JAK2: variants seen among roughly 807,000 people sequenced by gnomAD.
JAK2 encodes Janus kinase 2.
A neutral mutation model predicts 139.3 loss-of-function variants in JAK2; 86 were observed. The ratio of observed to expected loss-of-function variants is 0.62; its 90% CI spans 0.52 to 0.74. The LOEUF (loss-of-function observed/expected upper bound fraction) is 0.74. JAK2 is among the 30% of genes least tolerant of loss of function. The probability of loss-of-function intolerance (pLI) is 0.00; values close to 1 mark genes in which losing one functional copy is unlikely to be tolerated. For missense variants in JAK2, 1,421 were observed against 1,360.3 expected (o/e 1.04, Z -0.70); for synonymous variants, 490 against 437.7 (o/e 1.12, Z -1.49).
At chr9:5,044,834 C>T (rs1042390449) in intron 5 of JAK2, among the ~76,000 whole-genome samples, 11 of 152,176 alleles carry the variant, frequency 7.2e-5, no homozygotes, top group East Asian at 1.9e-4. Flanking sequence ...TGTAGACATA[C>T]GTGGCTAAAA....
At chr9:5,018,691 G>A (rs1021480233) in intron 2 of JAK2, among the ~76,000 whole-genome samples, 4 of 152,162 alleles carry the variant, frequency 2.6e-5, no homozygotes, top group Admixed American at 1.3e-4. Context: ...ATTTCTTGTA[G>A]GTCTGGTCTA....
intron 22 of JAK2, chr9:5,112,149 C>G (rs936636296): frequency 6.7e-6 from 2 of 298,928 alleles, no homozygotes; most frequent in Admixed American, 4.2e-5. Flanking sequence ...CGGCTAGCAA[C>G]GTGCACACGC....
intron 19 of JAK2, chr9:5,085,297 G>T: frequency 1.4e-6 from 1 of 722,562 alleles, no homozygotes; most frequent in Non-Finnish European, 2.6e-6. Context: ...GTTAGAACAT[G>T]AGGTGAAGTC....
intron 19 of JAK2, chr9:5,085,524 CA>C: frequency 1.4e-6 from 1 of 716,074 alleles, no homozygotes; most frequent in East Asian, 2.6e-5. Flanking sequence ...CACCACACAC[CA>C]AATCTTCAAT....
At chr9:5,119,297 C>T (rs1344687763) in intron 22 of JAK2, among the ~76,000 whole-genome samples, 2 of 151,950 alleles carry the variant, frequency 1.3e-5, no homozygotes, top group Non-Finnish European at 2.9e-5. Flanking sequence ...AGAACAAATG[C>T]ATGGAGGTAT....
chr9:5,097,104 C>G (rs944445983), intron 22 of JAK2: 3 of 152,170 alleles, frequency 2.0e-5, no homozygotes, highest in African/African-American at 7.2e-5. Context: ...GTCTTACCAT[C>G]TTCTCACTTC....
At chr9:5,025,949 A>T (rs534856583) in intron 3 of JAK2, among the ~76,000 whole-genome samples, 11 of 151,850 alleles carry the variant, frequency 7.2e-5, no homozygotes, top group Admixed American at 1.3e-4. Flanking sequence ...TTGTTCTAGC[A>T]CTCTTTGTCT....
At chr9:5,115,920 TA>T (rs1382322075) in intron 22 of JAK2, among the ~76,000 whole-genome samples, 3 of 152,092 alleles carry the variant, frequency 2.0e-5, no homozygotes, top group African/African-American at 7.2e-5. Flanking sequence ...GGTGGAGGGC[TA>T]GGGGAGGGAT....
At chr9:5,124,200 A>AT (rs1181325881) in intron 23 of JAK2, among the ~76,000 whole-genome samples, 4 of 151,618 alleles carry the variant, frequency 2.6e-5, no homozygotes, top group Non-Finnish European at 5.9e-5. Context: ...CTATGCTGAA[A>AT]TTTTTTAGCT....
chr9:4,991,743 A>G (rs532211801), intron 2 of JAK2, among the ~76,000 whole-genome samples: 1 of 124,562 alleles, frequency 8.0e-6, no homozygotes, highest in East Asian at 2.5e-4. Flanking sequence ...CCAGGCAACC[A>G]CCTGTCCTCT....
intron 4 of JAK2, among the ~76,000 whole-genome samples, chr9:5,037,299 C>T (rs1329634812): frequency 3.3e-5 from 5 of 152,058 alleles, no homozygotes; most frequent in South Asian, 4.2e-4. Context: ...GTCAGTGTGG[C>T]GATTCCTCAG....
chr9:5,126,539 A>T (rs745916973), intron 24 of JAK2, 93 bp downstream of exon 24: 7 of 982,642 alleles, frequency 7.1e-6, no homozygotes, highest in Non-Finnish European at 9.4e-6. Flanking sequence ...TAATGTGCGG[A>T]GCTTCCAGAT....
At chr9:5,080,892 C>CTTTTTTTTTTTTTTTT (rs33925764) in intron 18 of JAK2, among the ~76,000 whole-genome samples, 1 of 95,616 alleles carries the variant, frequency 1.0e-5, no homozygotes, top group African/African-American at 4.6e-5. Flanking sequence ...AAGACCTTTT[C>CTTTTTTTTTTTTTTTT]TTTTTTTTTT....
intron 5 of JAK2, among the ~76,000 whole-genome samples, chr9:5,049,424 C>T (rs145818548): frequency 6.6e-6 from 1 of 152,224 alleles, no homozygotes; most frequent in Non-Finnish European, 1.5e-5. Context: ...GTGTGTGTGT[C>T]ATTCCTTCTA....
chr9:5,085,540 C>A, intron 19 of JAK2: 1 of 708,264 alleles, frequency 1.4e-6, no homozygotes, highest in South Asian at 1.5e-5. Flanking sequence ...TTCAATAACT[C>A]GGGTTAAAAT....
At chr9:5,065,277 A>G (rs757365528) in intron 9 of JAK2, among the ~76,000 whole-genome samples, 19 of 152,328 alleles carry the variant, frequency 1.2e-4, no homozygotes, top group East Asian at 1.9e-4. Flanking sequence ...TTTGTTAATC[A>G]TGCCTATGTG....
chr9:5,123,329 T>A (rs942039397), intron 23 of JAK2, among the ~76,000 whole-genome samples: 1 of 151,916 alleles, frequency 6.6e-6, no homozygotes, highest in Non-Finnish European at 1.5e-5. Flanking sequence ...CCCTTCCAAG[T>A]CTCTATTGTC....
chr9:5,114,264 G>A, intron 22 of JAK2: 1 of 543,678 alleles, frequency 1.8e-6, no homozygotes. Context: ...TCTGGTGGTG[G>A]ACCTGGCACC....
chr9:5,090,422 T>C, intron 20 of JAK2, 24 bp from the exon 21 acceptor site: 2 of 1,492,618 alleles, frequency 1.3e-6, no homozygotes, highest in Non-Finnish European at 1.8e-6. Flanking sequence ...GAGTAAAACA[T>C]TATTTCCACC....
Sources: allele counts gnomAD v4.1 joint callset (sites outside exome capture counted in the v4.1 genomes callset), GRCh38; gene constraint gnomAD v4.1.1; transcripts MANE v1.5; gene names NCBI Gene and HGNC (gene_info 2026-07-23, HGNC 2026-07-21).